CSMD1: variants seen among roughly 807,000 people sequenced by gnomAD.
CSMD1 encodes CUB and sushi domain-containing protein 1.
Under a neutral mutation model 417.5 loss-of-function variants are expected in CSMD1, and 213 were observed. The observed-to-expected ratio is 0.51, with a 90% CI of 0.46 to 0.57. The LOEUF is 0.57. Among genes scored for constraint, CSMD1 ranks in the 20% least tolerant of loss-of-function variants. CSMD1 has a pLI of 0.00. For synonymous variants in CSMD1, 2,862 were observed against 1,736.8 expected (o/e 1.65, Z -16.11); for missense variants, 6,923 against 4,529.7 (o/e 1.53, Z -15.17).
intron 5 of CSMD1, among the ~76,000 whole-genome samples, chr8:3,891,398 G>T (rs534683542): frequency 2.6e-5 from 4 of 152,056 alleles, no homozygotes; most frequent in Non-Finnish European, 5.9e-5. Context: ...ATCCATCCGA[G>T]GCCAGGTATG....
intron 1 of CSMD1, among the ~76,000 whole-genome samples, chr8:4,784,640 T>G (rs1159798583): frequency 1.3e-5 from 2 of 152,254 alleles, no homozygotes; most frequent in Non-Finnish European, 2.9e-5. Flanking sequence ...ATATCCATTA[T>G]GCCTCCATTA....
At chr8:4,282,919 A>G (rs1368250847) in intron 3 of CSMD1, among the ~76,000 whole-genome samples, 2 of 152,220 alleles carry the variant, frequency 1.3e-5, no homozygotes, top group African/African-American at 4.8e-5. Context: ...TCATTGCTGT[A>G]TAAACATTTT....
At chr8:3,777,392 C>A (rs1435115467) in intron 5 of CSMD1, among the ~76,000 whole-genome samples, 1 of 152,076 alleles carries the variant, frequency 6.6e-6, no homozygotes, top group Non-Finnish European at 1.5e-5. Context: ...ACTTGCATGG[C>A]CCCCTCCACT....
chr8:4,418,299 T>A (rs1797058076), intron 3 of CSMD1, among the ~76,000 whole-genome samples: 1 of 152,176 alleles, frequency 6.6e-6, no homozygotes, highest in Non-Finnish European at 1.5e-5. Flanking sequence ...GTTTTTCAGT[T>A]GATCTTTTGG....
chr8:4,756,911 C>T (rs919829225), intron 1 of CSMD1, among the ~76,000 whole-genome samples: 4 of 152,154 alleles, frequency 2.6e-5, no homozygotes, highest in Non-Finnish European at 5.9e-5. Flanking sequence ...ATCCTTTAAC[C>T]GGAAACAGCT....
intron 2 of CSMD1, among the ~76,000 whole-genome samples, chr8:4,508,122 G>A (rs1235143045): frequency 6.9e-6 from 1 of 145,028 alleles, no homozygotes; most frequent in African/African-American, 2.5e-5. Context: ...AACAAAAACA[G>A]TGAAATTGCA....
At chr8:3,938,979 G>C (rs1254915522) in intron 5 of CSMD1, among the ~76,000 whole-genome samples, 1 of 152,124 alleles carries the variant, frequency 6.6e-6, no homozygotes, top group Non-Finnish European at 1.5e-5. Context: ...GGGAGTATGA[G>C]AGTGTGGAAT....
At chr8:4,679,710 T>C (rs1805917087) in intron 1 of CSMD1, among the ~76,000 whole-genome samples, 1 of 152,240 alleles carries the variant, frequency 6.6e-6, no homozygotes, top group Admixed American at 6.5e-5. Flanking sequence ...CAGTGGATTT[T>C]TGCTGGATTT....
At chr8:3,490,875 A>T (rs6558782) in intron 11 of CSMD1, among the ~76,000 whole-genome samples, 94,054 of 150,842 alleles carry the variant, frequency 0.62, 29,810 homozygotes, top group Middle Eastern at 0.66. Flanking sequence ...AAAGAAAAAA[A>T]TTTTTTTTTA....
At chr8:4,176,087 T>C (rs1023479368) in intron 3 of CSMD1, among the ~76,000 whole-genome samples, 1 of 152,074 alleles carries the variant, frequency 6.6e-6, no homozygotes, top group Non-Finnish European at 1.5e-5. Context: ...CCTTGCAGAA[T>C]CACTCCTGCT....
chr8:4,177,903 A>G (rs1417575412), intron 3 of CSMD1, among the ~76,000 whole-genome samples: 1 of 151,948 alleles, frequency 6.6e-6, no homozygotes, highest in Non-Finnish European at 1.5e-5. Context: ...CTCTGAATAG[A>G]CCAATAACAG....
chr8:3,628,769 C>G (rs1480643019), intron 7 of CSMD1, among the ~76,000 whole-genome samples: 1 of 152,118 alleles, frequency 6.6e-6, no homozygotes, highest in African/African-American at 2.4e-5. Context: ...GCGCCTACAG[C>G]CAAATTATTA....
Position 4,425,210 on chromosome 8 carries a change from T to C in CSMD1, c.303-5145A>G, listed in dbSNP as rs192614841. Among the ~76,000 whole-genome samples the C allele has an allele frequency of 7.1e-3, 1,087 of 152,160 alleles. 13 individuals carry two copies. Among genetic ancestry groups the C allele is most frequent in the African/African-American group, 0.024 (1,009 of 41,524 alleles). On this transcript the variant is annotated intron_variant, in intron 2 of 69. Transcript: ENST00000635120. ...TACGAAGGGGTGTGGTCAAATGATATTAGTTCAGGAAGTAGGAACAAGATA... is the reference window on the plus strand; with the variant it reads ...TACGAAGGGGTGTGGTCAAATGATACTAGTTCAGGAAGTAGGAACAAGATA...
Position 3,368,618 on chromosome 8 carries a change from C to T in CSMD1, c.2899+636G>A, listed in dbSNP as rs147122867. The stretch of plus-strand genomic sequence containing the variant: ...CCTCCCGAACTGCTGGGATTACAAG[C>T]GTGAGTCACTTCACCTGGCCCCAAA... On this transcript the variant is annotated intron_variant, in intron 19 of 69. Coordinates refer to ENST00000635120, the MANE Select transcript of CSMD1 (RefSeq NM_033225.6). Among the ~76,000 whole-genome samples the T allele has an allele frequency of 7.0e-3, 1,066 of 152,242 alleles. 13 individuals carry two copies. Among genetic ancestry groups the T allele is most frequent in the African/African-American group, 0.024 (1,004 of 41,542 alleles).
At chr8:3,316,113 A>G (rs534121159) in intron 23 of CSMD1, among the ~76,000 whole-genome samples, 3 of 152,328 alleles carry the variant, frequency 2.0e-5, no homozygotes, top group East Asian at 3.9e-4. Flanking sequence ...TCAGGCACCT[A>G]CATGGATGAA....
chr8:4,456,004 C>G (rs186299961), intron 2 of CSMD1, among the ~76,000 whole-genome samples: 2 of 106,508 alleles, frequency 1.9e-5, no homozygotes, highest in African/African-American at 3.4e-5. Flanking sequence ...AATTGCTTAT[C>G]TTCTCCTTAA....
intron 26 of CSMD1, among the ~76,000 whole-genome samples, chr8:3,248,523 C>CATT (rs1800035649): frequency 2.3e-5 from 2 of 85,946 alleles, no homozygotes; most frequent in Non-Finnish European, 4.3e-5. Context: ...AATTCCCTCC[C>CATT]TTTTTTTTTT....
chr8:4,319,845 C>T (rs979017599), intron 3 of CSMD1, among the ~76,000 whole-genome samples: 1 of 152,070 alleles, frequency 6.6e-6, no homozygotes, highest in Non-Finnish European at 1.5e-5. Flanking sequence ...TGAGAGCTCA[C>T]CTGTATATTA....
chr8:4,552,104 G>C (rs1033238941), intron 2 of CSMD1, among the ~76,000 whole-genome samples: 1 of 152,160 alleles, frequency 6.6e-6, no homozygotes, highest in African/African-American at 2.4e-5. Context: ...TGCTAGCACT[G>C]ACATTAATGG....
Sources: allele counts gnomAD v4.1 joint callset (sites outside exome capture counted in the v4.1 genomes callset), GRCh38; gene constraint gnomAD v4.1.1; transcripts MANE v1.5; gene names NCBI Gene and HGNC (gene_info 2026-07-23, HGNC 2026-07-21).